Variants in CEP41 observed in about 807,000 individuals in gnomAD.
CEP41 encodes centrosomal protein of 41 kDa.
In CEP41, 32 loss-of-function variants were observed where a neutral mutation model predicts 44.3. The ratio of observed to expected loss-of-function variants is 0.72; its 90% CI spans 0.54 to 0.97. The LOEUF is 0.97. Among genes scored for constraint, CEP41 ranks in the 50% least tolerant of loss-of-function variants. The pLI, the probability that CEP41 is intolerant of heterozygous loss-of-function variation, is 0.00. For synonymous variants in CEP41, 151 were observed against 168.5 expected (o/e 0.90, Z 0.80); for missense variants, 432 against 455.2 (o/e 0.95, Z 0.46).
chr7:130,430,338 C>A (rs1239702569), intron 1 of CEP41, among the ~76,000 whole-genome samples: 4 of 152,160 alleles, frequency 2.6e-5, no homozygotes, highest in Admixed American at 6.5e-5. Flanking sequence ...AAAAACCATT[C>A]ATGACATTGT....
At position 130,398,580 on chromosome 7, in the gene CEP41, C is replaced by A. The variant is rs782099960; in HGVS notation, c.*311G>T. ...CAAGCTGGACCTTATTAAAAAAAAA[C>A]AAAACAAAAAAACTAAAAACGTAGA... On this transcript the variant is annotated 3_prime_UTR_variant, in exon 11 of 11. Transcript: ENST00000223208. The A allele has an allele frequency of 1.3e-5, 7 of 518,538 alleles. No individual in the cohort carries two copies. The highest frequency in any genetic ancestry group is 2.3e-5 in the Admixed American group (1 of 44,254). 32.1% of individuals were successfully genotyped at this position (518,538 alleles called of 1,614,324 possible).
At chr7:130,399,086 G>A (rs782749935) in intron 10 of CEP41, 47 bp from the exon 11 acceptor site, 2 of 1,607,100 alleles carry the variant, frequency 1.2e-6, no homozygotes, top group Admixed American at 1.7e-5. Flanking sequence ...AATGATTCCA[G>A]GGACAATCTG....
chr7:130,431,835 C>G (rs545421074), intron 1 of CEP41, among the ~76,000 whole-genome samples: 33 of 152,280 alleles, frequency 2.2e-4, no homozygotes, highest in African/African-American at 7.0e-4. Flanking sequence ...GCCTTGCATA[C>G]ATGTTTAAAA....
At chr7:130,421,814 C>A in intron 2 of CEP41, 1 of 1,361,904 alleles carries the variant, frequency 7.3e-7, no homozygotes, top group South Asian at 2.1e-5. Flanking sequence ...AAAGGGAGAG[C>A]CCTGTGGTTT....
At chr7:130,416,729 G>A (rs1276463630) in intron 3 of CEP41, among the ~76,000 whole-genome samples, 190 bp downstream of exon 3, 2 of 152,174 alleles carry the variant, frequency 1.3e-5, no homozygotes, top group African/African-American at 4.8e-5. Flanking sequence ...AGGCCTACAG[G>A]CCACAATCTG....
At chr7:130,422,271 T>C (rs1319485274) in intron 2 of CEP41, among the ~76,000 whole-genome samples, 1 of 152,244 alleles carries the variant, frequency 6.6e-6, no homozygotes, top group Non-Finnish European at 1.5e-5. Flanking sequence ...AAGACCCATC[T>C]ATTTAGCCTA....
In CEP41 at chr7:130,395,429, G is replaced by C; in HGVS notation, c.*3462C>G. ...GGGAAGAAAATAAACACACATTAAA[G>C]ACACTGAGAACGTTTTAGAACTGGA... On this transcript the variant is annotated 3_prime_UTR_variant, in exon 11 of 11. Transcript: ENST00000223208. 2.2e-6 allele frequency: 1 copy of C among 454,058 alleles called. No homozygotes were observed. Among genetic ancestry groups the C allele is most frequent in the Non-Finnish European group, 4.4e-6 (1 of 226,768 alleles). The allele number at this position is 454,058 out of a possible 1,614,324, so 28.1% of individuals were successfully genotyped here.
At chr7:130,423,330 C>T (rs557420398) in intron 2 of CEP41, among the ~76,000 whole-genome samples, 1 of 152,256 alleles carries the variant, frequency 6.6e-6, no homozygotes, top group African/African-American at 2.4e-5. Context: ...GACATTTCTC[C>T]ATAAGAGATA....
intron 4 of CEP41, 29 bp downstream of exon 4, chr7:130,412,150 T>C (rs1554419877): frequency 8.0e-7 from 1 of 1,250,606 alleles, no homozygotes; most frequent in Non-Finnish European, 1.2e-6. Context: ...AGACAGACTT[T>C]ACTCCAGTGG....
intron 5 of CEP41, among the ~76,000 whole-genome samples, chr7:130,406,788 A>G (rs1797023648): frequency 6.6e-6 from 1 of 151,842 alleles, no homozygotes; most frequent in Non-Finnish European, 1.5e-5. Context: ...AATCTCATAT[A>G]CAGTAACAAC....
rs782738694 is a variant in CEP41, at chr7:130,398,986, G to A, written c.1027C>T (p.Arg343Ter). Residue 343 changes from arginine to a stop codon, truncating the protein, a stop_gained, in exon 11 of 11, where the codon CGA (arginine) becomes TGA (stop). Transcript: ENST00000223208. LOFTEE classifies it low-confidence loss of function (END_TRUNC). ...CCACCTGGCAGATTCTGAGCGCTTCGGGCACCAGGCACCTTGGACTCTCTT... is the reference window on the plus strand; with the variant it reads ...CCACCTGGCAGATTCTGAGCGCTTCAGGCACCAGGCACCTTGGACTCTCTT... ...SGRESKVPGA[R>*]SAQNLPGGGP... 1.1e-5 allele frequency: 17 copies of A among 1,614,062 alleles called. No individual in the cohort carries two copies. Among genetic ancestry groups the A allele is most frequent in the African/African-American group, 2.7e-5 (2 of 74,942 alleles).
Position 130,400,763 on chromosome 7 carries a change from T to C in CEP41, c.701A>G (p.Gln234Arg). The C allele has an allele frequency of 1.9e-6, 3 of 1,613,888 alleles. No individual in the cohort carries two copies. The highest frequency in any genetic ancestry group is 1.7e-6 in the Non-Finnish European group (2 of 1,179,900). The change falls in exon 9 of 11, where the codon CAG becomes CGG. Residue 234 changes from glutamine (Q) to arginine (R), a missense_variant. Coordinates refer to ENST00000223208, the MANE Select transcript of CEP41 (RefSeq NM_018718.3). Reference protein sequence around the residue: ...LYDDDERLASQAATTMCERGF... With the variant: ...LYDDDERLASRAATTMCERGF... The stretch of plus-strand genomic sequence containing the variant: ...ACGCTCGCACATGGTGGTGGCCGCC[T>C]GACTGGCCAGCCTTTCATCATCGTC...
At position 130,400,091 on chromosome 7, in the gene CEP41, T is replaced by G. The variant is rs1796796479; in HGVS notation, c.921A>C (p.Leu307Phe). Residue 307 changes from leucine (L) to phenylalanine (F), a missense_variant, in exon 10 of 11, where the codon TTA becomes TTC. Physicochemically the swap from Leu to Phe is conservative, Grantham distance 22 (BLOSUM62 0). Coordinates refer to ENST00000223208, the MANE Select transcript of CEP41 (RefSeq NM_018718.3). ...CTTCCAGATAATATTCTATCTTTTT[T>G]AAGTCTTCTGGGGTAAATCTCCATT... The part of the protein sequence containing the change: ...ENKWRFTPED[L>F]KKIEYYLEEE... 2 of 1,613,610 alleles carry G rather than the reference T, an allele frequency of 1.2e-6. No individual in the cohort carries two copies. The highest frequency in any genetic ancestry group is 8.5e-7 in the Non-Finnish European group (1 of 1,179,892).
chr7:130,441,327 C>G, upstream of CEP41: 2 of 438,438 alleles, frequency 4.6e-6, no homozygotes, highest in Non-Finnish European at 8.5e-6. Context: ...CGGGACAAAA[C>G]ACGAGTTTTA....
intron 2 of CEP41, chr7:130,420,889 C>T (rs1478852970): frequency 6.3e-6 from 6 of 948,948 alleles, no homozygotes; most frequent in African/African-American, 1.8e-5. Flanking sequence ...AAATACTTCC[C>T]AATTTGGTCT....
intron 2 of CEP41, among the ~76,000 whole-genome samples, chr7:130,417,632 G>C (rs782348365): frequency 7.2e-5 from 11 of 152,130 alleles, no homozygotes; most frequent in African/African-American, 9.7e-5. Context: ...AAGGTGGTTT[G>C]GAGGTTTTCA....
chr7:130,403,246 A>G (rs1029812136), intron 6 of CEP41, among the ~76,000 whole-genome samples: 1 of 152,270 alleles, frequency 6.6e-6, no homozygotes, highest in Non-Finnish European at 1.5e-5. Flanking sequence ...AATGCTTTAT[A>G]TATTTCATAT....
chr7:130,396,781 A>C lies in CEP41; in HGVS notation c.*2110T>G, dbSNP rs1168703799. On this transcript the variant is annotated 3_prime_UTR_variant, in exon 11 of 11. Transcript: ENST00000223208. ...GGCAAAGCAAGCACTGTGGAGAAAT[A>C]CACATAAATATATCCAACCTGCCAG... The C allele has an allele frequency of 8.8e-6, 4 of 454,070 alleles. No individual in the cohort carries two copies. The highest frequency in any genetic ancestry group is 1.8e-5 in the Non-Finnish European group (4 of 226,776). 28.1% of individuals were successfully genotyped at this position (454,070 alleles called of 1,614,324 possible). A position where few individuals can be genotyped will look rare whatever the true frequency, so the allele number is the denominator to read the frequency against.
chr7:130,394,491 G>A lies in CEP41; in HGVS notation c.*4400C>T, dbSNP rs781794703. The A allele has an allele frequency of 2.2e-6, 1 of 453,984 alleles. No homozygotes were observed. Among genetic ancestry groups the A allele is most frequent in the Non-Finnish European group, 4.4e-6 (1 of 226,784 alleles). 28.1% of individuals were successfully genotyped at this position (453,984 alleles called of 1,614,324 possible). ...AAAACCTACTCTTAAGATGGGGGTG[G>A]TGTGTGACCTTTGCGTGCTGAATTT... On this transcript the variant is annotated 3_prime_UTR_variant, in exon 11 of 11. Transcript: ENST00000223208.
Sources: allele counts gnomAD v4.1 joint callset (sites outside exome capture counted in the v4.1 genomes callset), GRCh38; gene constraint gnomAD v4.1.1; transcripts MANE v1.5; gene names NCBI Gene and HGNC (gene_info 2026-07-23, HGNC 2026-07-21).